Variants in PDK3 observed in about 807,000 individuals in gnomAD.
PDK3 encodes pyruvate dehydrogenase kinase 3, also known as pyruvate dehydrogenase kinase, isozyme 3.
In PDK3, 12 loss-of-function variants were observed where a neutral mutation model predicts 32.0. The ratio of observed to expected loss-of-function variants is 0.37; its 90% CI spans 0.24 to 0.61. The LOEUF (loss-of-function observed/expected upper bound fraction) is 0.61. Among genes scored for constraint, PDK3 ranks in the 20% least tolerant of loss-of-function variants. PDK3 has a pLI of 0.65. For missense variants in PDK3, 188 were observed against 316.9 expected (o/e 0.59, Z 3.09); for synonymous variants, 122 against 116.3 (o/e 1.05, Z -0.31).
intron 1 of PDK3, among the ~76,000 whole-genome samples, chrX:24,481,582 G>A (rs1304748803): frequency 9.0e-6 from 1 of 111,571 alleles, no homozygotes; most frequent in Non-Finnish European, 1.9e-5. Flanking sequence ...GGTGGGGCCT[G>A]GTGGGAGGTG....
At chrX:24,492,121 T>C (rs986017907) in intron 1 of PDK3, among the ~76,000 whole-genome samples, 1 of 112,471 alleles carries the variant, frequency 8.9e-6, no homozygotes, top group African/African-American at 3.2e-5. Flanking sequence ...ACTTAGATAA[T>C]AGGGAATTCA....
At chrX:24,489,346 G>A (rs1289868939) in intron 1 of PDK3, among the ~76,000 whole-genome samples, 1 of 111,929 alleles carries the variant, frequency 8.9e-6, no homozygotes, top group Non-Finnish European at 1.9e-5. Flanking sequence ...AATGTAGAAT[G>A]TAAGAGACAA....
intron 6 of PDK3, among the ~76,000 whole-genome samples, chrX:24,520,337 TA>T (rs1471182919): frequency 1.1e-4 from 12 of 112,054 alleles, no homozygotes; most frequent in African/African-American, 3.9e-4. Context: ...GTACACCCAT[TA>T]GATAGAATAC....
rs1178852890 is a variant in PDK3 at position 24,534,122 on chromosome X, G to A, written c.*50G>A. The A allele has an allele frequency of 8.8e-7, 1 of 1,135,225 alleles. No homozygotes were observed. The highest frequency in any genetic ancestry group is 3.1e-5 in the East Asian group (1 of 32,545). 93.6% of individuals were successfully genotyped at this position (1,135,225 alleles called of 1,213,427 possible). On this transcript the variant is annotated 3_prime_UTR_variant, in exon 11 of 11. Transcript: ENST00000379162. Reference sequence around the variant, plus strand: ...AAGTATCTGATTTGTCTGAATAAAGGTGTCCCACTCACTGTTCCAGGAATT... The same window carrying A: ...AAGTATCTGATTTGTCTGAATAAAGATGTCCCACTCACTGTTCCAGGAATT...
chrX:24,488,732 G>A (rs749809548), intron 1 of PDK3, among the ~76,000 whole-genome samples: 2 of 111,665 alleles, frequency 1.8e-5, no homozygotes, highest in East Asian at 2.8e-4. Flanking sequence ...AAAGGAGAAT[G>A]AAAGGATCGT....
rs1285168936 is a variant in PDK3, at chrX:24,528,439, G to C, written c.963+253G>C. ...CCTCATTCCCATATACAGAGAAAAAGTACCTCATTGTGGTAAGACTGCTAC... is the reference window on the plus strand; with the variant it reads ...CCTCATTCCCATATACAGAGAAAAACTACCTCATTGTGGTAAGACTGCTAC... On this transcript the variant is annotated intron_variant, in intron 9 of 10. Transcript: ENST00000379162. Among the ~76,000 whole-genome samples the C allele has an allele frequency of 2.7e-5, 3 of 112,129 alleles. No homozygotes were observed. In the East Asian group the frequency reaches 8.4e-4, roughly 32 times the overall value.
At chrX:24,491,113 G>A (rs1009586381) in intron 1 of PDK3, among the ~76,000 whole-genome samples, 1 of 109,281 alleles carries the variant, frequency 9.2e-6, no homozygotes, top group Non-Finnish European at 1.9e-5. Context: ...AGGAGTTCAA[G>A]ACCAGCCTGG....
chrX:24,501,676 C>T (rs960526057), intron 3 of PDK3, among the ~76,000 whole-genome samples: 4 of 112,603 alleles, frequency 3.6e-5, no homozygotes, highest in African/African-American at 1.3e-4. Flanking sequence ...TGTGCCACTG[C>T]ACTCTAGCCT....
Position 24,534,351 on chromosome X carries a change from A to G in PDK3, c.*279A>G, listed in dbSNP as rs778458669. ...GGCCTTAAAAAGGAAGGACATTCTG[A>G]TATGTGCTGCAACATGGGTGAATCT... On this transcript the variant is annotated 3_prime_UTR_variant, in exon 11 of 11. Transcript: ENST00000379162. 3 of 440,561 alleles carry G rather than the reference A, an allele frequency of 6.8e-6. No homozygotes were observed. Among genetic ancestry groups the G allele is most frequent in the Non-Finnish European group, 9.5e-6 (3 of 315,662 alleles). 36.3% of individuals were successfully genotyped at this position (440,561 alleles called of 1,213,427 possible).
intron 3 of PDK3, among the ~76,000 whole-genome samples, 172 bp from the exon 4 acceptor site, chrX:24,503,155 C>T (rs1431951057): frequency 5.4e-5 from 6 of 111,939 alleles, no homozygotes; most frequent in Non-Finnish European, 1.1e-4. Context: ...CAAGCAAAAA[C>T]TTGGCTCATA....
At chrX:24,549,067 G>A (rs1923051418) in exon 12 of PDK3, 1 of 111,717 alleles carries the variant, frequency 9.0e-6, no homozygotes, top group Admixed American at 9.5e-5. Flanking sequence ...AAATGTTGAA[G>A]TTAATATCCC....
chrX:24,537,318 A>T, downstream of PDK3, among the ~76,000 whole-genome samples: 1 of 81,348 alleles, frequency 1.2e-5, no homozygotes, highest in East Asian at 3.9e-4. Flanking sequence ...TTTTTAGTAG[A>T]GTTGGGGTTT....
exon 12 of PDK3, among the ~76,000 whole-genome samples, chrX:24,540,107 A>AT (rs1369401321): frequency 8.9e-6 from 1 of 112,032 alleles, no homozygotes; most frequent in Non-Finnish European, 1.9e-5. Context: ...GGTCTTAATA[A>AT]TTTTCATTTT....
At chrX:24,485,972 C>T (rs185166637) in intron 1 of PDK3, among the ~76,000 whole-genome samples, 1 of 112,098 alleles carries the variant, frequency 8.9e-6, no homozygotes, top group East Asian at 2.8e-4. Context: ...TAAAAGAGTG[C>T]TTTAAAATAT....
intron 1 of PDK3, among the ~76,000 whole-genome samples, chrX:24,480,491 C>T (rs1250493806): frequency 2.7e-5 from 3 of 112,172 alleles, no homozygotes; most frequent in South Asian, 3.7e-4. Flanking sequence ...CTGCTCCCTA[C>T]ATAAACCAAT....
chrX:24,527,470 C>CA, intron 7 of PDK3, 104 bp from the exon 8 acceptor site: 2 of 485,395 alleles, frequency 4.1e-6, no homozygotes, highest in Non-Finnish European at 6.6e-6. Context: ...ATATTTGCCC[C>CA]AAAAAAGGGT....
chrX:24,547,940 C>T (rs192292667), exon 12 of PDK3: 189 of 112,417 alleles, frequency 1.7e-3, no homozygotes, highest in African/African-American at 5.6e-3. Context: ...TAGACTATAG[C>T]GATAAATCTT....
chrX:24,540,920 T>G, exon 12 of PDK3, among the ~76,000 whole-genome samples: 1 of 76,657 alleles, frequency 1.3e-5, no homozygotes, highest in East Asian at 4.0e-4. Flanking sequence ...TTTTTTTTTT[T>G]TTTTTTTGAG....
At chrX:24,540,210 A>G in exon 12 of PDK3, among the ~76,000 whole-genome samples, 2 of 112,196 alleles carry the variant, frequency 1.8e-5, no homozygotes, top group Middle Eastern at 4.6e-3. Context: ...ACGATTTGGG[A>G]TAAGGAAAGA....
Sources: gnomAD v4.1 joint callset for allele counts (sites outside exome capture counted in the v4.1 genomes callset) on GRCh38, gnomAD v4.1.1 for gene constraint, MANE v1.5 for transcripts, NCBI Gene and HGNC (gene_info 2026-07-23, HGNC 2026-07-21) for gene names.